CTNNA3: variants seen among roughly 807,000 people sequenced by gnomAD.
CTNNA3 encodes the protein catenin alpha-3.
CTNNA3 carries 76 observed loss-of-function variants against 95.7 expected under a neutral mutation model. The observed-to-expected ratio is 0.79, with a 90% confidence interval of 0.66 to 0.96. The LOEUF (loss-of-function observed/expected upper bound fraction) is 0.96, where lower values mean the gene tolerates loss of function less well. Ranked by LOEUF, CTNNA3 falls within the 40% of genes least tolerant of loss-of-function variation. The pLI, the probability that CTNNA3 is intolerant of heterozygous loss-of-function variation, is 0.00. For synonymous variants in CTNNA3, 431 were observed against 374.4 expected (o/e 1.15, Z -1.74); for missense variants, 1,191 against 1,089.8 (o/e 1.09, Z -1.31).
intron 1 of CTNNA3, among the ~76,000 whole-genome samples, chr10:67,752,524 G>C (rs1841412775): frequency 6.6e-6 from 1 of 152,192 alleles, no homozygotes; most frequent in African/African-American, 2.4e-5. Context: ...CAAATAGGAA[G>C]AGAGGAAGTT....
intron 11 of CTNNA3, among the ~76,000 whole-genome samples, chr10:66,440,705 G>T (rs1022183791): frequency 6.6e-6 from 1 of 152,194 alleles, no homozygotes; most frequent in Non-Finnish European, 1.5e-5. Context: ...GATTATGTAG[G>T]TTTAAATCCT....
intron 5 of CTNNA3, among the ~76,000 whole-genome samples, chr10:67,454,274 A>C (rs2132972453): frequency 6.6e-6 from 1 of 152,220 alleles, no homozygotes; most frequent in East Asian, 1.9e-4. Context: ...AATAGACAGG[A>C]GATGGATCAG....
chr10:67,019,238 A>G (rs1852840336), intron 7 of CTNNA3, among the ~76,000 whole-genome samples: 1 of 152,062 alleles, frequency 6.6e-6, no homozygotes, highest in Admixed American at 6.6e-5. Flanking sequence ...TTTTGTTTTG[A>G]GACGTAGTCT....
At chr10:66,594,310 T>C (rs867353693) in intron 10 of CTNNA3, among the ~76,000 whole-genome samples, 5 of 152,286 alleles carry the variant, frequency 3.3e-5, no homozygotes, top group African/African-American at 1.2e-4. Context: ...CACCTTTGGT[T>C]AGTCCACTAT....
chr10:67,272,216 CA>C (rs1839008605), intron 5 of CTNNA3, among the ~76,000 whole-genome samples: 1 of 152,108 alleles, frequency 6.6e-6, no homozygotes, highest in Non-Finnish European at 1.5e-5. Flanking sequence ...GTTCCAAACT[CA>C]ACCCAACTTA....
intron 12 of CTNNA3, among the ~76,000 whole-genome samples, chr10:66,361,935 C>G (rs79185886): frequency 0.029 from 4,368 of 151,928 alleles, 190 homozygotes; most frequent in African/African-American, 0.097. Flanking sequence ...TTAAATTGTA[C>G]CCCACCACTG....
chr10:66,786,774 A>T (rs1156937257), intron 7 of CTNNA3, among the ~76,000 whole-genome samples: 2 of 152,186 alleles, frequency 1.3e-5, no homozygotes, highest in Non-Finnish European at 2.9e-5. Context: ...TATTGGGGGA[A>T]AATACAGTAG....
intron 5 of CTNNA3, among the ~76,000 whole-genome samples, chr10:67,330,653 C>T (rs1003120283): frequency 7.9e-5 from 12 of 151,716 alleles, no homozygotes; most frequent in East Asian, 1.9e-4. Context: ...ACCCCAGTAC[C>T]GTCCATAAAG....
intron 13 of CTNNA3, among the ~76,000 whole-genome samples, chr10:66,225,004 T>C (rs951253705): frequency 6.6e-6 from 1 of 152,106 alleles, no homozygotes; most frequent in Non-Finnish European, 1.5e-5. Context: ...TAATTATATT[T>C]ATGACCTCAA....
At chr10:67,661,956 C>A (rs1186525932) in intron 1 of CTNNA3, among the ~76,000 whole-genome samples, 2 of 152,194 alleles carry the variant, frequency 1.3e-5, no homozygotes, top group African/African-American at 4.8e-5. Context: ...GGTACAGCCA[C>A]TTTAGAGAAA....
chr10:67,529,246 C>T (rs1840244429), intron 4 of CTNNA3, among the ~76,000 whole-genome samples: 1 of 151,722 alleles, frequency 6.6e-6, no homozygotes, highest in Non-Finnish European at 1.5e-5. Context: ...AATAGAAAGA[C>T]CATAGTTAAC....
At chr10:67,687,253 G>A (rs1840750692) in intron 1 of CTNNA3, among the ~76,000 whole-genome samples, 1 of 152,172 alleles carries the variant, frequency 6.6e-6, no homozygotes, top group Admixed American at 6.5e-5. Context: ...ACTTGCCCCG[G>A]GCATCCTCAG....
At chr10:67,364,411 C>T (rs1031696537) in intron 5 of CTNNA3, among the ~76,000 whole-genome samples, 4 of 152,130 alleles carry the variant, frequency 2.6e-5, no homozygotes, top group African/African-American at 9.7e-5. Flanking sequence ...AAAATTGGCA[C>T]AAGACAAGGA....
chr10:66,990,965 G>C (rs1004362539), intron 7 of CTNNA3, among the ~76,000 whole-genome samples: 2 of 152,126 alleles, frequency 1.3e-5, no homozygotes, highest in African/African-American at 4.8e-5. Context: ...AACAGTTTTT[G>C]AGTAATCATG....
intron 9 of CTNNA3, among the ~76,000 whole-genome samples, chr10:66,628,077 G>A (rs1845000529): frequency 6.6e-6 from 1 of 151,952 alleles, no homozygotes. Flanking sequence ...ATCAGATGGT[G>A]AGCTGCTTGA....
chr10:66,745,555 T>C (rs1353081603), intron 9 of CTNNA3, among the ~76,000 whole-genome samples: 2 of 151,130 alleles, frequency 1.3e-5, no homozygotes, highest in African/African-American at 4.9e-5. Flanking sequence ...GTCCCATACA[T>C]GGAGGATCTA....
intron 1 of CTNNA3, among the ~76,000 whole-genome samples, chr10:67,758,824 C>T (rs1381478197): frequency 6.6e-6 from 1 of 152,104 alleles, no homozygotes; most frequent in Non-Finnish European, 1.5e-5. Flanking sequence ...TCTGCTATTA[C>T]AAAGTCAAAG....
intron 11 of CTNNA3, among the ~76,000 whole-genome samples, chr10:66,384,058 C>T (rs577979847): frequency 7.8e-4 from 119 of 152,160 alleles, no homozygotes; most frequent in Non-Finnish European, 1.5e-3. Flanking sequence ...AAATAGCCAG[C>T]GAACATCATA....
Position 67,219,811 on chromosome 10 carries a change from C to A in CTNNA3, c.639G>T (p.Glu213Asp). Reference protein sequence around the residue: ...EIAGARASLKENSPLLHSICS... With the variant: ...EIAGARASLKDNSPLLHSICS... ...AAATTGAATGCAAGAGGGGAGAGTT[C>A]TCCTTCAGTGAAGCTCGGGCTCCTG... Residue 213 changes from glutamate (E) to aspartate (D), a missense_variant, in exon 6 of 18, where the codon GAG becomes GAT. Coordinates refer to ENST00000433211, the MANE Select transcript of CTNNA3 (RefSeq NM_013266.4). The A allele has an allele frequency of 6.2e-7, 1 of 1,613,838 alleles. No individual in the cohort carries two copies. Among genetic ancestry groups the A allele is most frequent in the East Asian group, 2.2e-5 (1 of 44,880 alleles).
Sources: gnomAD v4.1 joint callset for allele counts (sites outside exome capture counted in the v4.1 genomes callset) on GRCh38, gnomAD v4.1.1 for gene constraint, MANE v1.5 for transcripts, NCBI Gene and HGNC (gene_info 2026-07-23, HGNC 2026-07-21) for gene names.